The following CSMD1 variants were observed in gnomAD, a reference collection of about 807,000 sequenced individuals.
CSMD1 encodes the protein CUB and sushi domain-containing protein 1.
In CSMD1, 213 loss-of-function variants were observed where a neutral mutation model predicts 417.5. That is an observed-to-expected ratio of 0.51 (90% CI 0.46 to 0.57). The LOEUF (loss-of-function observed/expected upper bound fraction) is 0.57. Ranked by LOEUF, CSMD1 falls within the 20% of genes least tolerant of loss-of-function variation. The pLI is 0.00. For synonymous variants in CSMD1, 2,862 were observed against 1,736.8 expected (o/e 1.65, Z -16.11); for missense variants, 6,923 against 4,529.7 (o/e 1.53, Z -15.17).
At chr8:3,083,629 TATATATATATATATATA>T (rs1814279446) in intron 49 of CSMD1, among the ~76,000 whole-genome samples, 1 of 41,838 alleles carries the variant, frequency 2.4e-5, no homozygotes, top group Non-Finnish European at 4.2e-5. Flanking sequence ...TATATATATA[TATATATATATATATATA>T]TATTTTTTTT....
chr8:3,093,153 A>G (rs1368148778), intron 47 of CSMD1, among the ~76,000 whole-genome samples: 2 of 152,266 alleles, frequency 1.3e-5, no homozygotes, highest in East Asian at 3.9e-4. Flanking sequence ...TTAAAGAGAG[A>G]GAGGGAGGGT....
At chr8:3,337,400 C>G (rs185508080) in intron 23 of CSMD1, among the ~76,000 whole-genome samples, 1 of 152,112 alleles carries the variant, frequency 6.6e-6, no homozygotes, top group Non-Finnish European at 1.5e-5. Flanking sequence ...TAATTACACC[C>G]GTGCCTGACT....
chr8:4,309,555 C>A (rs2128877979), intron 3 of CSMD1, among the ~76,000 whole-genome samples: 1 of 152,254 alleles, frequency 6.6e-6, no homozygotes, highest in South Asian at 2.1e-4. Context: ...CATAGGCTCA[C>A]ATCAAGCAGC....
At chr8:4,125,366 C>G (rs1322140517) in intron 3 of CSMD1, among the ~76,000 whole-genome samples, 2 of 152,196 alleles carry the variant, frequency 1.3e-5, no homozygotes, top group African/African-American at 4.8e-5. Flanking sequence ...TACTTGTGAC[C>G]TGCAGGTCCC....
intron 6 of CSMD1, among the ~76,000 whole-genome samples, chr8:3,721,168 C>T (rs1230753211): frequency 6.6e-6 from 1 of 152,186 alleles, no homozygotes; most frequent in Non-Finnish European, 1.5e-5. Flanking sequence ...TCCTGAAACA[C>T]CATTTTTTTT....
chr8:3,029,579 T>A lies in CSMD1; in HGVS notation c.7661-66A>T. 4 of 1,402,348 alleles carry A rather than the reference T, an allele frequency of 2.9e-6. No homozygotes were observed. In the Admixed American group the frequency reaches 6.3e-5, roughly 22 times the overall value. The allele number at this position is 1,402,348 out of a possible 1,614,324, so 86.9% of individuals were successfully genotyped here. A position where few individuals can be genotyped will look rare whatever the true frequency, so the allele number is the denominator to read the frequency against. ...TGGAAAACATCAGACCGTGCTTGCT[T>A]TGGATGGCAAGGTCTTGCTATATGA... On this transcript the variant is annotated intron_variant, in intron 50 of 69. Coordinates refer to ENST00000635120, the MANE Select transcript of CSMD1 (RefSeq NM_033225.6).
At chr8:4,267,593 T>G (rs945013912) in intron 3 of CSMD1, among the ~76,000 whole-genome samples, 4 of 151,938 alleles carry the variant, frequency 2.6e-5, no homozygotes, top group South Asian at 4.1e-4. Context: ...ACATTCTTGG[T>G]TGGTAGAAAA....
intron 3 of CSMD1, among the ~76,000 whole-genome samples, chr8:4,257,783 G>T (rs1049974762): frequency 1.3e-5 from 2 of 152,150 alleles, no homozygotes; most frequent in Non-Finnish European, 2.9e-5. Flanking sequence ...CCGCCTCGTA[G>T]GAATGCCACT....
chr8:3,895,483 A>G (rs1807299304), intron 5 of CSMD1, among the ~76,000 whole-genome samples: 1 of 152,118 alleles, frequency 6.6e-6, no homozygotes, highest in South Asian at 2.1e-4. Flanking sequence ...AAAAATCAAT[A>G]TTATTAGGCC....
intron 5 of CSMD1, among the ~76,000 whole-genome samples, chr8:3,821,583 A>G (rs555246696): frequency 1.1e-3 from 165 of 152,214 alleles, no homozygotes; most frequent in African/African-American, 3.8e-3. Flanking sequence ...AGAGTACGAG[A>G]CCAGCCTGGC....
intron 1 of CSMD1, among the ~76,000 whole-genome samples, chr8:4,812,339 T>C (rs1798955071): frequency 1.3e-5 from 2 of 152,162 alleles, no homozygotes; most frequent in Admixed American, 1.3e-4. Flanking sequence ...GACAGATGCT[T>C]CCAGTCTTTT....
At chr8:4,765,625 G>A (rs1468313001) in intron 1 of CSMD1, among the ~76,000 whole-genome samples, 1 of 152,216 alleles carries the variant, frequency 6.6e-6, no homozygotes, top group South Asian at 2.1e-4. Flanking sequence ...TTGGATGCAA[G>A]GCAGAAAACT....
In CSMD1 at chr8:3,359,358, A is replaced by AGAGTAAATGCATGAGGATTT. The variant is rs770634881; in HGVS notation, c.3116-38_3116-19dup. 1.2e-6 allele frequency: 2 copies of AGAGTAAATGCATGAGGATTT among 1,601,234 alleles called. No individual in the cohort carries two copies. Among genetic ancestry groups the AGAGTAAATGCATGAGGATTT allele is most frequent in the African/African-American group, 2.7e-5 (2 of 74,610 alleles). On this transcript the variant is annotated intron_variant, in intron 20 of 69. Coordinates refer to ENST00000635120, the MANE Select transcript of CSMD1 (RefSeq NM_033225.6). ...GTCATATTCTGAGGCATGCAGAGAC[A>AGAGTAAATGCATGAGGATTT]GAGTAAATGCATGAGGATTTGGGTA... is the stretch of plus-strand genomic sequence containing the variant.
intron 21 of CSMD1, among the ~76,000 whole-genome samples, chr8:3,354,644 C>T (rs977554526): frequency 2.6e-5 from 4 of 151,740 alleles, no homozygotes; most frequent in Admixed American, 1.3e-4. Context: ...TCCTATAAAC[C>T]TTTATTTTTA....
intron 31 of CSMD1, among the ~76,000 whole-genome samples, chr8:3,205,057 C>G (rs188768520): frequency 1.2e-3 from 179 of 152,312 alleles, no homozygotes; most frequent in African/African-American, 4.0e-3. Flanking sequence ...CTCCGTCCCT[C>G]AGCACTTACA....
chr8:4,392,350 T>TG (rs1346102591), intron 3 of CSMD1, among the ~76,000 whole-genome samples: 3 of 151,946 alleles, frequency 2.0e-5, no homozygotes, highest in African/African-American at 7.3e-5. Flanking sequence ...GAAGGTCACA[T>TG]GAGGAGGAGC....
chr8:4,030,171 A>C (rs1797267890), intron 4 of CSMD1, among the ~76,000 whole-genome samples: 1 of 146,264 alleles, frequency 6.8e-6, no homozygotes, highest in African/African-American at 2.6e-5. Flanking sequence ...CTGGAGTCTG[A>C]AGGATGGTAG....
intron 5 of CSMD1, among the ~76,000 whole-genome samples, chr8:3,826,073 C>T (rs77680503): frequency 6.6e-6 from 1 of 152,152 alleles, no homozygotes; most frequent in Non-Finnish European, 1.5e-5. Context: ...TCTTTTGTAA[C>T]ACCCAAGCTA....
At chr8:3,401,193 T>C (rs9969557) in intron 15 of CSMD1, among the ~76,000 whole-genome samples, 73,029 of 151,756 alleles carry the variant, frequency 0.48, 18,431 homozygotes, top group Middle Eastern at 0.6. Flanking sequence ...GAAAGACATA[T>C]GGCAGATGCA....
Sources: gnomAD v4.1 joint callset for allele counts (sites outside exome capture counted in the v4.1 genomes callset) on GRCh38, gnomAD v4.1.1 for gene constraint, MANE v1.5 for transcripts, NCBI Gene and HGNC (gene_info 2026-07-23, HGNC 2026-07-21) for gene names.